The following DSCAML1 variants were observed in gnomAD, a reference collection of about 807,000 sequenced individuals.
DSCAML1 encodes the protein DS cell adhesion molecule like 1.
A neutral mutation model predicts 200.5 loss-of-function variants in DSCAML1; 38 were observed. The observed-to-expected ratio is 0.19, with a 90% confidence interval of 0.15 to 0.25. DSCAML1 has a LOEUF of 0.25. Ranked by LOEUF, DSCAML1 falls within the 10% of genes least tolerant of loss-of-function variation. The pLI is 1.00. For missense variants in DSCAML1, 2,223 were observed against 2,858.8 expected, an observed-to-expected ratio of 0.78 and a Z score of 5.07; for synonymous variants, 1,215 against 1,165.0, an observed-to-expected ratio of 1.04 and a Z score of -0.87.
intron 3 of DSCAML1, among the ~76,000 whole-genome samples, chr11:117,741,437 A>T (rs1230551999): frequency 6.6e-6 from 1 of 152,234 alleles, no homozygotes; most frequent in African/African-American, 2.4e-5. Context: ...TGCATGGAGC[A>T]GATGCCCACT....
intron 11 of DSCAML1, among the ~76,000 whole-genome samples, chr11:117,501,560 G>A (rs891283089): frequency 1.1e-4 from 16 of 152,170 alleles, no homozygotes; most frequent in Non-Finnish European, 1.8e-4. Context: ...TGGCATGAGG[G>A]CCTCTGGGAT....
intron 3 of DSCAML1, among the ~76,000 whole-genome samples, chr11:117,587,905 C>T (rs1034884557): frequency 6.6e-6 from 1 of 152,142 alleles, no homozygotes; most frequent in Non-Finnish European, 1.5e-5. Context: ...CAGCCCCTCT[C>T]TGCTCGGCAC....
At position 117,516,362 on chromosome 11, in the gene DSCAML1, G is replaced by A. The variant is rs183991252; in HGVS notation, c.1783+105C>T. The A allele has an allele frequency of 1.9e-3, 2,678 of 1,422,922 alleles. 2 individuals carry two copies. The highest frequency in any genetic ancestry group is 2.2e-3 in the Non-Finnish European group (2,366 of 1,054,484). The allele number at this position is 1,422,922 out of a possible 1,614,324, so 88.1% of individuals were successfully genotyped here. A position where few individuals can be genotyped will look rare whatever the true frequency, so the allele number is the denominator to read the frequency against. On this transcript the variant is annotated intron_variant, in intron 8 of 32. Coordinates refer to ENST00000651296, the MANE Select transcript of DSCAML1 (RefSeq NM_020693.4). The surrounding 1 kb of genome is among the most constrained non-coding windows in gnomAD (Gnocchi z 5.7). ...TGGGGCCTCTCTTGCTCAGCCTTCCGTTCACCCAGGATTGCCTATTGTTGT... is the reference window on the plus strand; with the variant it reads ...TGGGGCCTCTCTTGCTCAGCCTTCCATTCACCCAGGATTGCCTATTGTTGT...
chr11:117,550,971 C>T (rs373142246), intron 3 of DSCAML1, among the ~76,000 whole-genome samples: 9 of 152,172 alleles, frequency 5.9e-5, no homozygotes, highest in South Asian at 2.1e-4. Context: ...CCAGATTATG[C>T]GGGACATGGC....
Position 117,486,410 on chromosome 11 carries a change from GTGGCGGATGTGAAAA to G in DSCAML1, c.2360-4263_2360-4249del, listed in dbSNP as rs1169482541. Among the ~76,000 whole-genome samples, 785 of 151,864 alleles carry G rather than the reference GTGGCGGATGTGAAAA, an allele frequency of 5.2e-3. 7 individuals are homozygous for G. The highest frequency in any genetic ancestry group is 8.5e-3 in the South Asian group (40 of 4,722). ...GGATGTGAAAGTGGCGGATGGGAAA[GTGGCGGATGTGAAAA>G]TGGCGGATGTGAAAGTGGCAGATAT... On this transcript the variant is annotated intron_variant, in intron 11 of 32. Transcript: ENST00000651296.
At chr11:117,701,032 G>C in intron 3 of DSCAML1, among the ~76,000 whole-genome samples, 1 of 152,224 alleles carries the variant, frequency 6.6e-6, no homozygotes, top group East Asian at 1.9e-4. Context: ...TTGGGAGGCT[G>C]AGGCGTGTGG....
intron 1 of DSCAML1, among the ~76,000 whole-genome samples, chr11:117,796,200 G>T (rs1385802830): frequency 6.6e-6 from 1 of 152,228 alleles, no homozygotes; most frequent in Non-Finnish European, 1.5e-5. Context: ...CGCCCCAGCC[G>T]CAGGTCTGGA....
At chr11:117,432,881 G>A (rs545198512) in intron 29 of DSCAML1, among the ~76,000 whole-genome samples, 2 of 152,190 alleles carry the variant, frequency 1.3e-5, no homozygotes, top group East Asian at 3.9e-4. Context: ...GAAGTGCTGG[G>A]ATAACAGGCA....
At chr11:117,461,810 A>T (rs914113338) in intron 17 of DSCAML1, among the ~76,000 whole-genome samples, 4 of 152,168 alleles carry the variant, frequency 2.6e-5, no homozygotes, top group African/African-American at 9.7e-5. Flanking sequence ...GGCAGACAGA[A>T]ATCTTTACAG....
intron 6 of DSCAML1, among the ~76,000 whole-genome samples, chr11:117,520,916 T>C (rs2049874212): frequency 6.6e-6 from 1 of 151,796 alleles, no homozygotes; most frequent in African/African-American, 2.4e-5. Context: ...AGAGACAGAG[T>C]GGGACTCTGC....
chr11:117,496,940 G>T (rs1167164515), intron 11 of DSCAML1, among the ~76,000 whole-genome samples: 1 of 152,214 alleles, frequency 6.6e-6, no homozygotes, highest in Non-Finnish European at 1.5e-5. Context: ...TTTGGGATGC[G>T]ATGTGATTGC....
chr11:117,803,184 C>G (rs1367529839), intron 1 of DSCAML1, among the ~76,000 whole-genome samples: 2 of 152,080 alleles, frequency 1.3e-5, no homozygotes, highest in Non-Finnish European at 2.9e-5. Flanking sequence ...ACTGGGCCAG[C>G]TCACTGCGCT....
chr11:117,694,082 C>CATAT (rs55662300), intron 3 of DSCAML1, among the ~76,000 whole-genome samples: 1,876 of 139,198 alleles, frequency 0.013, 57 homozygotes, highest in African/African-American at 0.045. Flanking sequence ...TATATATACA[C>CATAT]ATATATATAT....
chr11:117,500,156 T>C (rs1007679229), intron 11 of DSCAML1, among the ~76,000 whole-genome samples: 5 of 152,224 alleles, frequency 3.3e-5, no homozygotes, highest in Non-Finnish European at 5.9e-5. Flanking sequence ...CTTGTCCAAA[T>C]ACTTCTCATC....
intron 1 of DSCAML1, among the ~76,000 whole-genome samples, chr11:117,794,040 C>A (rs890635437): frequency 1.6e-4 from 25 of 151,874 alleles, no homozygotes; most frequent in African/African-American, 5.3e-4. Context: ...TTGCCCCCCC[C>A]CCCTTTTTTT....
intron 20 of DSCAML1, among the ~76,000 whole-genome samples, chr11:117,447,283 G>A (rs771919759): frequency 6.6e-5 from 10 of 152,126 alleles, no homozygotes; most frequent in South Asian, 2.1e-4. Context: ...GCAGGGCTCC[G>A]TCACATACAC....
chr11:117,482,080 A>C lies in DSCAML1; in HGVS notation c.2442T>G (p.Gly814=). The change falls in exon 12 of 33, where the codon GGT becomes GGG. Residue 814 remains glycine, a synonymous_variant. Coordinates refer to ENST00000651296, the MANE Select transcript of DSCAML1 (RefSeq NM_020693.4). The part of the protein sequence containing the change: ...HAKELNCTAR[G]ERPIIIRWEK... Reference sequence around the variant, plus strand: ...CCCAGCGGATGATGATGGGCCGCTCACCCCGTGCCGTGCAGTTTAGCTCCT... The same window carrying C: ...CCCAGCGGATGATGATGGGCCGCTCCCCCCGTGCCGTGCAGTTTAGCTCCT... 1 of 1,614,098 alleles carries C rather than the reference A, an allele frequency of 6.2e-7. No individual in the cohort carries two copies. Among genetic ancestry groups the C allele is most frequent in the Non-Finnish European group, 8.5e-7 (1 of 1,179,986 alleles).
chr11:117,811,093 A>C (rs2055757299), intron 1 of DSCAML1, among the ~76,000 whole-genome samples: 1 of 151,812 alleles, frequency 6.6e-6, no homozygotes. Flanking sequence ...GCCCTCCCCC[A>C]CCTGCCCAGC....
intron 3 of DSCAML1, among the ~76,000 whole-genome samples, chr11:117,614,861 A>G (rs1196719874): frequency 6.6e-6 from 1 of 152,198 alleles, no homozygotes; most frequent in African/African-American, 2.4e-5. Flanking sequence ...TGCAAGATCC[A>G]GCATCTGCCC....
Sources: allele counts gnomAD v4.1 joint callset (sites outside exome capture counted in the v4.1 genomes callset), GRCh38; gene constraint gnomAD v4.1.1; non-coding constraint Gnocchi (gnomAD v3.1); transcripts MANE v1.5; gene names NCBI Gene and HGNC (gene_info 2026-07-23, HGNC 2026-07-21).